The following PDS5B variants were observed in gnomAD, a reference collection of about 807,000 sequenced individuals.
PDS5B encodes the protein PDS5 cohesin associated factor B.
A neutral mutation model predicts 184.1 loss-of-function variants in PDS5B; 51 were observed. The ratio of observed to expected loss-of-function variants is 0.28; its 90% CI spans 0.22 to 0.35. The LOEUF is 0.35. PDS5B is among the 10% of genes least tolerant of loss of function. The probability of loss-of-function intolerance (pLI) is 1.00; values close to 1 mark genes in which losing one functional copy is unlikely to be tolerated. For missense variants in PDS5B, 1,180 were observed against 1,723.3 expected, an observed-to-expected ratio of 0.68 and a Z score of 5.58; for synonymous variants, 566 against 569.2, an observed-to-expected ratio of 0.99 and a Z score of 0.08.
Position 32,706,958 on chromosome 13 carries a change from A to G in PDS5B, c.1881A>G (p.Lys627=). ...SISALIKQVN[K]SIDGTADDED... ...GTGCTCTTATTAAACAAGTGAACAA[A>G]TCAATAGATGGAACAGCAGATGATG... Residue 627 remains lysine (K), a synonymous_variant, in exon 18 of 35, where the codon AAA becomes AAG. Transcript: ENST00000315596. 6.2e-7 allele frequency: 1 copy of G among 1,611,692 alleles called. No homozygotes were observed. The highest frequency in any genetic ancestry group is 8.5e-7 in the Non-Finnish European group (1 of 1,178,896).
At chr13:32,635,170 G>GTTTTTTTT (rs71071054) in intron 1 of PDS5B, among the ~76,000 whole-genome samples, 17 of 81,120 alleles carry the variant, frequency 2.1e-4, no homozygotes, top group South Asian at 8.1e-4. Flanking sequence ...AGCCAATTAC[G>GTTTTTTTT]TTTTTTTTTT....
intron 1 of PDS5B, among the ~76,000 whole-genome samples, chr13:32,595,893 TGG>T (rs2057857857): frequency 1.3e-5 from 2 of 152,204 alleles, no homozygotes; most frequent in Non-Finnish European, 2.9e-5. Flanking sequence ...CTTGAGGCCA[TGG>T]ACTTGCAGTT....
intron 1 of PDS5B, among the ~76,000 whole-genome samples, chr13:32,596,664 A>G (rs2057876490): frequency 6.6e-6 from 1 of 151,744 alleles, no homozygotes; most frequent in Non-Finnish European, 1.5e-5. Context: ...TGGTTAGTCA[A>G]TCTTTTTAAT....
chr13:32,680,788 G>A (rs1357273883), intron 10 of PDS5B, among the ~76,000 whole-genome samples: 2 of 152,078 alleles, frequency 1.3e-5, no homozygotes, highest in African/African-American at 4.8e-5. Flanking sequence ...TTGCTTAGTT[G>A]TGATTTTTAA....
intron 1 of PDS5B, among the ~76,000 whole-genome samples, chr13:32,598,943 T>C (rs766142434): frequency 4.6e-5 from 7 of 151,982 alleles, no homozygotes; most frequent in Non-Finnish European, 1.0e-4. Context: ...GCTAATTTTT[T>C]GTATTTTTAG....
intron 31 of PDS5B, among the ~76,000 whole-genome samples, chr13:32,767,033 AAAAC>A (rs762517706): frequency 4.6e-5 from 7 of 152,178 alleles, no homozygotes; most frequent in African/African-American, 7.2e-5. Flanking sequence ...CTAAATAAAT[AAAAC>A]AAACTAAATC....
chr13:32,679,879 C>G (rs927413986), intron 10 of PDS5B, among the ~76,000 whole-genome samples: 1 of 93,634 alleles, frequency 1.1e-5, no homozygotes, highest in Admixed American at 1.2e-4. Flanking sequence ...TCCTCTTCGT[C>G]TGTGAGTGTG....
Position 32,696,857 on chromosome 13 carries a change from G to A in PDS5B, c.1555G>A (p.Asp519Asn). Residue 519 changes from aspartate to asparagine, a missense_variant, in exon 15 of 35, where the codon GAT becomes AAT. Physicochemically the swap from Asp to Asn is conservative, Grantham distance 23. Transcript: ENST00000315596. The part of the protein sequence containing the change: ...LLDLIKQPKT[D>N]ASVKAIFSKV... ...CATTTTTTTGTGTGATTTACAGACA[G>A]ATGCCAGTGTCAAGGCCATATTTTC... is the stretch of plus-strand genomic sequence containing the variant. 2 of 1,598,206 alleles carry A rather than the reference G, an allele frequency of 1.3e-6. No individual in the cohort carries two copies. Among genetic ancestry groups the A allele is most frequent in the Non-Finnish European group, 1.7e-6 (2 of 1,168,876 alleles).
chr13:32,751,463 T>G (rs934970442), intron 24 of PDS5B, among the ~76,000 whole-genome samples: 2 of 152,242 alleles, frequency 1.3e-5, no homozygotes, highest in Non-Finnish European at 2.9e-5. Context: ...TAAACTAATT[T>G]ACATTCTCAC....
chr13:32,768,829 C>T (rs1026307932), intron 31 of PDS5B, among the ~76,000 whole-genome samples: 7 of 121,242 alleles, frequency 5.8e-5, no homozygotes, highest in Non-Finnish European at 1.2e-4. Context: ...AAGCTGGGTG[C>T]AGTGGCTCAT....
In PDS5B at chr13:32,612,551, G is replaced by A. The variant is rs541213512; in HGVS notation, c.-20+25958G>A. ...AACCCTGCACCTCTTAGCCAATGCC[G>A]TCTGCTATGGTTTGAATGGTTCCCC... On this transcript the variant is annotated intron_variant, in intron 1 of 34. Coordinates refer to ENST00000315596, the MANE Select transcript of PDS5B (RefSeq NM_015032.4). Among the ~76,000 whole-genome samples, 14 of 152,232 alleles carry A rather than the reference G, an allele frequency of 9.2e-5. No individual in the cohort carries two copies. The South Asian group carries it at 2.3e-3, about 25-fold the overall frequency.
intron 19 of PDS5B, among the ~76,000 whole-genome samples, chr13:32,720,924 G>T (rs1201100782): frequency 6.6e-6 from 1 of 152,116 alleles, no homozygotes; most frequent in Admixed American, 6.5e-5. Context: ...ACCCTGAGTT[G>T]ACACAGCACA....
At chr13:32,652,146 T>G in intron 3 of PDS5B, 139 bp downstream of exon 3, 1 of 207,206 alleles carries the variant, frequency 4.8e-6, no homozygotes, top group Non-Finnish European at 8.1e-6. Flanking sequence ...AAACTTAATG[T>G]TTTTTTTTTT....
intron 19 of PDS5B, among the ~76,000 whole-genome samples, chr13:32,724,243 G>A (rs971975174): frequency 1.3e-5 from 2 of 151,812 alleles, no homozygotes; most frequent in African/African-American, 4.8e-5. Context: ...CAGCCTCTCA[G>A]TAGTTGGAAC....
chr13:32,635,244 C>T (rs2058528534), intron 1 of PDS5B, among the ~76,000 whole-genome samples: 2 of 116,486 alleles, frequency 1.7e-5, no homozygotes, highest in South Asian at 5.9e-4. Flanking sequence ...CACTGTATTG[C>T]CCAGGCTGGT....
chr13:32,658,615 A>G lies in PDS5B; in HGVS notation c.497+84A>G, dbSNP rs1434148050. On this transcript the variant is annotated intron_variant, in intron 5 of 34. Coordinates refer to ENST00000315596, the MANE Select transcript of PDS5B (RefSeq NM_015032.4). ...AGGTGAATCTGCATAAACTGTTACA[A>G]TGAATATTAGAAGGCTGAGAGATGT... is the stretch of plus-strand genomic sequence containing the variant. 15 of 656,110 alleles carry G rather than the reference A, an allele frequency of 2.3e-5. No individual in the cohort carries two copies. In the South Asian group the frequency reaches 2.4e-4, roughly 11 times the overall value. The allele number at this position is 656,110 out of a possible 1,614,324, so 40.6% of individuals were successfully genotyped here.
intron 1 of PDS5B, among the ~76,000 whole-genome samples, chr13:32,616,586 A>G (rs1034152460): frequency 6.6e-6 from 1 of 152,186 alleles, no homozygotes. Flanking sequence ...ATACAAGAAA[A>G]TGTAGCCCGA....
chr13:32,741,546 G>A (rs780746272), intron 22 of PDS5B, among the ~76,000 whole-genome samples: 10 of 152,028 alleles, frequency 6.6e-5, no homozygotes, highest in Non-Finnish European at 1.0e-4. Context: ...TTATAAGATT[G>A]CTCATCATTG....
intron 8 of PDS5B, among the ~76,000 whole-genome samples, chr13:32,675,085 G>A (rs1315078448): frequency 5.3e-5 from 8 of 152,030 alleles, no homozygotes; most frequent in Non-Finnish European, 8.8e-5. Flanking sequence ...GCAGGTTGTG[G>A]CATTGGTTTA....
Sources: gnomAD v4.1 joint callset for allele counts (sites outside exome capture counted in the v4.1 genomes callset) on GRCh38, gnomAD v4.1.1 for gene constraint, MANE v1.5 for transcripts, NCBI Gene and HGNC (gene_info 2026-07-23, HGNC 2026-07-21) for gene names.